Variants in ADGRB3 observed in about 807,000 individuals in gnomAD.
ADGRB3 encodes brain-specific angiogenesis inhibitor 3.
Under a neutral mutation model 193.4 loss-of-function variants are expected in ADGRB3, and 37 were observed. The ratio of observed to expected loss-of-function variants is 0.19; its 90% CI spans 0.15 to 0.25. ADGRB3 has a LOEUF of 0.25. Among genes scored for constraint, ADGRB3 ranks in the 10% least tolerant of loss-of-function variants. The pLI is 1.00. For missense variants in ADGRB3, 1,637 were observed against 1,852.9 expected (o/e 0.88, Z 2.14); for synonymous variants, 690 against 644.2 (o/e 1.07, Z -1.08).
intron 17 of ADGRB3, among the ~76,000 whole-genome samples, chr6:69,203,372 G>A (rs181629645): frequency 1.3e-5 from 2 of 152,056 alleles, no homozygotes; most frequent in Admixed American, 1.3e-4. Context: ...CTTGGTTTCA[G>A]GGGCAAATAA....
intron 17 of ADGRB3, among the ~76,000 whole-genome samples, chr6:69,101,395 T>C (rs532241456): frequency 6.6e-6 from 1 of 151,664 alleles, no homozygotes; most frequent in East Asian, 1.9e-4. Flanking sequence ...TGGAGTACTA[T>C]TAAGGCTTTA....
chr6:68,687,707 G>T (rs1054630240), intron 3 of ADGRB3, among the ~76,000 whole-genome samples: 1 of 151,932 alleles, frequency 6.6e-6, no homozygotes, highest in African/African-American at 2.4e-5. Flanking sequence ...CACTAGGAGC[G>T]TCACCTTTCA....
chr6:68,871,379 A>C (rs1765450481), intron 3 of ADGRB3, among the ~76,000 whole-genome samples: 1 of 152,114 alleles, frequency 6.6e-6, no homozygotes, highest in Non-Finnish European at 1.5e-5. Context: ...TCCCTTTCAA[A>C]ATATTATTTA....
rs531554696 is a variant in ADGRB3 at position 69,364,045 on chromosome 6, C to A, written c.4239+2533C>A. 4.0e-4 allele frequency among the ~76,000 whole-genome samples: 61 copies of A among 152,036 alleles called. No homozygotes were observed. The South Asian group carries it at 0.012, about 30-fold the overall frequency. On this transcript the variant is annotated intron_variant, in intron 29 of 31. Coordinates refer to ENST00000370598, the MANE Select transcript of ADGRB3 (RefSeq NM_001704.3). ...GCCTAAGCAATAGGACAATTTAAGT[C>A]TTTTCTCCCTGTAAGTAAGAAGGAA...
intron 11 of ADGRB3, among the ~76,000 whole-genome samples, chr6:68,996,968 A>G (rs1238357884): frequency 6.6e-6 from 1 of 152,208 alleles, no homozygotes; most frequent in Non-Finnish European, 1.5e-5. Flanking sequence ...TTTCCAGTAG[A>G]AAATGATGAG....
intron 3 of ADGRB3, among the ~76,000 whole-genome samples, chr6:68,918,371 C>A (rs1766939990): frequency 6.6e-6 from 1 of 152,134 alleles, no homozygotes; most frequent in Non-Finnish European, 1.5e-5. Flanking sequence ...GCAAACTATT[C>A]TGGACTCCTT....
intron 17 of ADGRB3, among the ~76,000 whole-genome samples, chr6:69,195,127 C>T (rs1582535561): frequency 6.6e-6 from 1 of 152,056 alleles, no homozygotes; most frequent in Non-Finnish European, 1.5e-5. Context: ...CCACTTGTCA[C>T]TGAATTCATG....
At chr6:68,645,862 C>T (rs868812919) in intron 3 of ADGRB3, among the ~76,000 whole-genome samples, 1 of 151,674 alleles carries the variant, frequency 6.6e-6, no homozygotes, top group Non-Finnish European at 1.5e-5. Context: ...TTAGTAGAAA[C>T]GGGGTTTCAC....
At chr6:69,211,479 A>T (rs1293950229) in intron 17 of ADGRB3, among the ~76,000 whole-genome samples, 1 of 152,258 alleles carries the variant, frequency 6.6e-6, no homozygotes, top group South Asian at 2.1e-4. Flanking sequence ...AGTAACATCT[A>T]AAAAAGTTCC....
intron 17 of ADGRB3, among the ~76,000 whole-genome samples, chr6:69,123,792 G>A (rs562246819): frequency 6.6e-6 from 1 of 152,256 alleles, no homozygotes; most frequent in Admixed American, 6.5e-5. Flanking sequence ...TCTACAGGAG[G>A]AGTAGGGTGG....
intron 20 of ADGRB3, among the ~76,000 whole-genome samples, chr6:69,277,459 C>T (rs1483709402): frequency 1.3e-5 from 2 of 152,118 alleles, no homozygotes; most frequent in East Asian, 3.9e-4. Flanking sequence ...CTGGTAAATA[C>T]AGGACACCAG....
At chr6:68,789,263 A>T (rs942963370) in intron 3 of ADGRB3, among the ~76,000 whole-genome samples, 7 of 152,092 alleles carry the variant, frequency 4.6e-5, no homozygotes, top group Admixed American at 4.6e-4. Context: ...TGGTCTTTAC[A>T]ATTTGGCATG....
At chr6:69,279,835 G>A (rs758746463) in intron 20 of ADGRB3, among the ~76,000 whole-genome samples, 32 of 152,066 alleles carry the variant, frequency 2.1e-4, no homozygotes, top group Non-Finnish European at 4.0e-4. Flanking sequence ...GTATGAAACT[G>A]AAACTACCCT....
At chr6:68,945,442 A>G (rs1767751357) in intron 6 of ADGRB3, among the ~76,000 whole-genome samples, 1 of 152,132 alleles carries the variant, frequency 6.6e-6, no homozygotes, top group African/African-American at 2.4e-5. Context: ...ACAGGCAGGC[A>G]GACACACACA....
chr6:69,321,678 C>T (rs987927568), intron 20 of ADGRB3, among the ~76,000 whole-genome samples: 10 of 151,832 alleles, frequency 6.6e-5, no homozygotes, highest in African/African-American at 2.4e-4. Flanking sequence ...ATCAAACAAT[C>T]CTGAGACCTG....
intron 17 of ADGRB3, among the ~76,000 whole-genome samples, chr6:69,147,368 T>C (rs758739302): frequency 2.0e-5 from 3 of 152,126 alleles, no homozygotes; most frequent in Non-Finnish European, 4.4e-5. Flanking sequence ...TTTCAAGATA[T>C]ATTTCAGTTT....
At chr6:69,335,681 A>G (rs1204497904) in intron 24 of ADGRB3, among the ~76,000 whole-genome samples, 1 of 152,096 alleles carries the variant, frequency 6.6e-6, no homozygotes, top group East Asian at 1.9e-4. Context: ...TGAAGAAGAA[A>G]TAATCAAAAT....
intron 5 of ADGRB3, among the ~76,000 whole-genome samples, chr6:68,937,054 G>A (rs1358449563): frequency 6.6e-6 from 1 of 152,146 alleles, no homozygotes; most frequent in Non-Finnish European, 1.5e-5. Context: ...ATGGCTTAAG[G>A]CAGTGGTTGA....
intron 3 of ADGRB3, among the ~76,000 whole-genome samples, chr6:68,749,305 C>CT (rs1766146583): frequency 6.6e-6 from 1 of 152,060 alleles, no homozygotes; most frequent in South Asian, 2.1e-4. Context: ...TTATGCTCTG[C>CT]TTCCCTTAGC....
Sources: gnomAD v4.1 joint callset for allele counts (sites outside exome capture counted in the v4.1 genomes callset) on GRCh38, gnomAD v4.1.1 for gene constraint, MANE v1.5 for transcripts, NCBI Gene and HGNC (gene_info 2026-07-23, HGNC 2026-07-21) for gene names.